NTM: variants seen among roughly 807,000 people sequenced by gnomAD.
The protein encoded by NTM is IgLON family member 2.
A neutral mutation model predicts 42.1 loss-of-function variants in NTM; 13 were observed. That is an observed-to-expected ratio of 0.31 (90% CI 0.20 to 0.49). The LOEUF is 0.49. NTM is among the 20% of genes least tolerant of loss of function. The probability of loss-of-function intolerance (pLI) is 0.99; values close to 1 mark genes in which losing one functional copy is unlikely to be tolerated. For missense variants in NTM, 373 were observed against 452.8 expected, an observed-to-expected ratio of 0.82 and a Z score of 1.60; for synonymous variants, 187 against 179.2, an observed-to-expected ratio of 1.04 and a Z score of -0.35.
intron 1 of NTM, chr11:131,769,514 A>T: frequency 2.0e-6 from 1 of 512,220 alleles, no homozygotes; most frequent in Non-Finnish European, 2.5e-6. Context: ...TGGTATTTAT[A>T]AAGAAGTTAT....
chr11:131,831,185 T>C lies in NTM; in HGVS notation c.83-80379T>C, dbSNP rs1397842078. ...CTTTTTCTTGCCTGATTGCTGTGGA[T>C]AGGACTTGCTGGGACTCACTTTTAA... is the stretch of plus-strand genomic sequence containing the variant. On this transcript the variant is annotated intron_variant, in intron 1 of 8. Transcript: ENST00000683400. Among the ~76,000 whole-genome samples, 3 of 152,168 alleles carry C rather than the reference T, an allele frequency of 2.0e-5. No individual in the cohort carries two copies. The East Asian group carries it at 5.8e-4, about 29-fold the overall frequency.
chr11:132,034,725 C>G (rs1356730851), intron 2 of NTM, among the ~76,000 whole-genome samples: 1 of 152,172 alleles, frequency 6.6e-6, no homozygotes, highest in Non-Finnish European at 1.5e-5. Flanking sequence ...GAGAAATGAC[C>G]TCCCTGCTCC....
intron 4 of NTM, among the ~76,000 whole-genome samples, chr11:132,291,837 A>G (rs1414628177): frequency 6.6e-6 from 1 of 152,234 alleles, no homozygotes; most frequent in East Asian, 1.9e-4. Context: ...ATTTGGACAC[A>G]TGGAAGTCAT....
At chr11:132,192,071 A>T (rs2079403487) in intron 3 of NTM, among the ~76,000 whole-genome samples, 1 of 152,168 alleles carries the variant, frequency 6.6e-6, no homozygotes, top group Non-Finnish European at 1.5e-5. Flanking sequence ...GAGAGAAAAC[A>T]AGCAACTTGG....
At chr11:131,605,371 G>A (rs768031305) in intron 1 of NTM, among the ~76,000 whole-genome samples, 1 of 152,178 alleles carries the variant, frequency 6.6e-6, no homozygotes, top group Non-Finnish European at 1.5e-5. Flanking sequence ...TGCTAGTGTA[G>A]AAAAGTGTGA....
rs184355646 is a variant in NTM, at chr11:132,211,831, A to C, written c.401-191A>C. 9.9e-5 allele frequency: 42 copies of C among 425,962 alleles called. No homozygotes were observed. The Admixed American group carries it at 1.5e-3, about 15-fold the overall frequency. 26.4% of individuals were successfully genotyped at this position (425,962 alleles called of 1,614,324 possible). On this transcript the variant is annotated intron_variant, in intron 3 of 8. Transcript: ENST00000683400. The stretch of plus-strand genomic sequence containing the variant: ...TTCGGACTCCCTGACTTTGTGTTTA[A>C]ATAGGAGGAAATCAAAGCTAAATTA...
At chr11:132,124,358 A>T (rs1157412950) in intron 2 of NTM, among the ~76,000 whole-genome samples, 2 of 152,104 alleles carry the variant, frequency 1.3e-5, no homozygotes, top group Non-Finnish European at 2.9e-5. Context: ...GTCTGCAGGG[A>T]GAGACAGGCT....
At chr11:131,819,609 C>T (rs2093095555) in intron 1 of NTM, among the ~76,000 whole-genome samples, 1 of 152,184 alleles carries the variant, frequency 6.6e-6, no homozygotes, top group South Asian at 2.1e-4. Context: ...CCAAGTTCCT[C>T]ACCCAGCTTT....
chr11:131,834,674 TAGTA>T (rs1187584742), intron 1 of NTM, among the ~76,000 whole-genome samples: 1 of 144,944 alleles, frequency 6.9e-6, no homozygotes, highest in Non-Finnish European at 1.5e-5. Context: ...CGCAGTGGGA[TAGTA>T]AGATTATTAT....
intron 2 of NTM, among the ~76,000 whole-genome samples, chr11:131,914,052 G>A (rs1016134288): frequency 6.6e-6 from 1 of 152,200 alleles, no homozygotes; most frequent in African/African-American, 2.4e-5. Context: ...TGCTGGGATG[G>A]ACTTTGGTGG....
intron 4 of NTM, among the ~76,000 whole-genome samples, chr11:132,281,544 G>A (rs2093971343): frequency 1.3e-5 from 2 of 152,184 alleles, no homozygotes; most frequent in African/African-American, 4.8e-5. Context: ...ACTGCCCAAT[G>A]ACTGTGGGAG....
chr11:131,805,699 G>A (rs528940754), intron 1 of NTM, among the ~76,000 whole-genome samples: 1 of 152,166 alleles, frequency 6.6e-6, no homozygotes, highest in Non-Finnish European at 1.5e-5. Flanking sequence ...TATGACTTCA[G>A]CATATTCATA....
intron 1 of NTM, among the ~76,000 whole-genome samples, chr11:131,888,589 T>C (rs1365735291): frequency 6.6e-6 from 1 of 152,128 alleles, no homozygotes; most frequent in African/African-American, 2.4e-5. Flanking sequence ...TCCCTCCTCC[T>C]TCCACTTCCT....
chr11:131,732,924 TTA>T (rs1183490833), intron 1 of NTM, among the ~76,000 whole-genome samples: 10 of 151,812 alleles, frequency 6.6e-5, no homozygotes, highest in Non-Finnish European at 1.2e-4. Context: ...TACATTAATA[TTA>T]TGTCAGTGAT....
chr11:132,291,706 G>T (rs1234865496), intron 4 of NTM, among the ~76,000 whole-genome samples: 1 of 152,154 alleles, frequency 6.6e-6, no homozygotes, highest in Non-Finnish European at 1.5e-5. Flanking sequence ...GAGGTGGTTG[G>T]GCAGTTAGGA....
At chr11:132,122,077 A>G (rs2136939161) in intron 2 of NTM, among the ~76,000 whole-genome samples, 1 of 152,326 alleles carries the variant, frequency 6.6e-6, no homozygotes, top group South Asian at 2.1e-4. Flanking sequence ...ATGTAGGCAA[A>G]GTGCTATAGG....
chr11:131,462,951 GAAAA>G (rs567178609), intron 1 of NTM, among the ~76,000 whole-genome samples: 1 of 137,820 alleles, frequency 7.3e-6, no homozygotes, highest in Admixed American at 7.2e-5. Context: ...ATCTACTCAT[GAAAA>G]AAAAAAAAAG....
chr11:132,152,055 G>A (rs2072040789), intron 3 of NTM, among the ~76,000 whole-genome samples: 1 of 152,138 alleles, frequency 6.6e-6, no homozygotes, highest in Non-Finnish European at 1.5e-5. Context: ...CAGAGAACAG[G>A]AACAATAACT....
intron 1 of NTM, among the ~76,000 whole-genome samples, chr11:131,834,702 A>G (rs1218757269): frequency 6.6e-6 from 1 of 150,544 alleles, no homozygotes; most frequent in Admixed American, 6.7e-5. Flanking sequence ...TACTTTACAC[A>G]TGAGGAATCT....
Sources: allele counts gnomAD v4.1 joint callset (sites outside exome capture counted in the v4.1 genomes callset), GRCh38; gene constraint gnomAD v4.1.1; transcripts MANE v1.5; gene names NCBI Gene and HGNC (gene_info 2026-07-23, HGNC 2026-07-21).